Variants in MICU3 observed in about 807,000 individuals in gnomAD.
MICU3 encodes mitochondrial calcium uptake 3.
A neutral mutation model predicts 66.5 loss-of-function variants in MICU3; 62 were observed. That is an observed-to-expected ratio of 0.93 (90% CI 0.76 to 1.15). The LOEUF is 1.15. Among genes scored for constraint, MICU3 ranks in the 50% most tolerant of loss-of-function variants. The pLI, the probability that MICU3 is intolerant of heterozygous loss-of-function variation, is 0.00. For missense variants in MICU3, 779 were observed against 664.4 expected (o/e 1.17, Z -1.90); for synonymous variants, 308 against 240.7 (o/e 1.28, Z -2.59).
At position 17,032,749 on chromosome 8, in the gene MICU3, A is replaced by C. The variant is rs2150484992; in HGVS notation, c.381+5089A>C. 2.6e-5 allele frequency among the ~76,000 whole-genome samples: 4 copies of C among 152,240 alleles called. No individual in the cohort carries two copies. The South Asian group carries it at 8.3e-4, about 32-fold the overall frequency. Reference sequence around the variant, plus strand: ...TTTTCTTGTGCTTCACAGATACTGCATTTTTTACAAGTTCAAGATTTGTGG... The same window carrying C: ...TTTTCTTGTGCTTCACAGATACTGCCTTTTTTACAAGTTCAAGATTTGTGG... On this transcript the variant is annotated intron_variant, in intron 1 of 14. Transcript: ENST00000318063.
At chr8:17,117,961 C>T (rs950650518) in intron 13 of MICU3, among the ~76,000 whole-genome samples, 2 of 152,192 alleles carry the variant, frequency 1.3e-5, no homozygotes, top group East Asian at 3.8e-4. Context: ...CCTCAAGATT[C>T]ATCTGAGACA....
At chr8:17,076,960 T>G (rs1820475268) in intron 3 of MICU3, among the ~76,000 whole-genome samples, 1 of 152,338 alleles carries the variant, frequency 6.6e-6, no homozygotes, top group African/African-American at 2.4e-5. Flanking sequence ...TCAAGTTATC[T>G]CACCGTCTTT....
intron 1 of MICU3, among the ~76,000 whole-genome samples, chr8:17,039,509 T>C (rs928341719): frequency 7.2e-5 from 11 of 152,224 alleles, no homozygotes; most frequent in Admixed American, 5.9e-4. Context: ...GACCATCTAA[T>C]AGAGTCACAT....
intron 3 of MICU3, among the ~76,000 whole-genome samples, chr8:17,077,087 A>T (rs900414852): frequency 3.3e-5 from 5 of 152,216 alleles, no homozygotes; most frequent in African/African-American, 1.2e-4. Context: ...AAATGTCTAA[A>T]TTCTCCAGTA....
intron 2 of MICU3, among the ~76,000 whole-genome samples, chr8:17,064,864 A>G (rs1388634448): frequency 2.0e-5 from 3 of 152,094 alleles, no homozygotes; most frequent in Non-Finnish European, 2.9e-5. Flanking sequence ...GCCTTTTTAG[A>G]TTATTATAGG....
intron 1 of MICU3, among the ~76,000 whole-genome samples, chr8:17,060,890 C>T (rs780043094): frequency 2.0e-5 from 3 of 151,762 alleles, no homozygotes; most frequent in East Asian, 1.9e-4. Flanking sequence ...AATGTGGGCC[C>T]GCACCTAATA....
chr8:17,032,320 G>A (rs909778777), intron 1 of MICU3, among the ~76,000 whole-genome samples: 1 of 151,884 alleles, frequency 6.6e-6, no homozygotes, highest in African/African-American at 2.4e-5. Context: ...CAAAGTTTTA[G>A]CCTTAAAGCA....
At chr8:17,030,095 A>G (rs151272880) in intron 1 of MICU3, among the ~76,000 whole-genome samples, 225 of 152,036 alleles carry the variant, frequency 1.5e-3, no homozygotes, top group African/African-American at 5.1e-3. Flanking sequence ...ATAGCATTCT[A>G]TTTTGCTTTC....
intron 3 of MICU3, among the ~76,000 whole-genome samples, chr8:17,072,016 A>G (rs1002905962): frequency 5.9e-5 from 9 of 152,276 alleles, no homozygotes; most frequent in African/African-American, 2.2e-4. Context: ...ATCCCAACCA[A>G]ATTGATCCGA....
chr8:17,034,074 G>A (rs750468525), intron 1 of MICU3, among the ~76,000 whole-genome samples: 1 of 152,116 alleles, frequency 6.6e-6, no homozygotes. Context: ...TTTTGTTAGG[G>A]GCTAATGCAG....
intron 11 of MICU3, among the ~76,000 whole-genome samples, chr8:17,105,885 A>G (rs545152484): frequency 5.3e-5 from 8 of 152,150 alleles, no homozygotes; most frequent in Non-Finnish European, 1.0e-4. Context: ...TGCTTTGACT[A>G]CTACCTAAAT....
intron 1 of MICU3, among the ~76,000 whole-genome samples, chr8:17,047,658 C>T (rs2150554840): frequency 6.6e-6 from 1 of 152,296 alleles, no homozygotes; most frequent in South Asian, 2.1e-4. Flanking sequence ...AGCCAGAGGA[C>T]AGTGGGCTAT....
chr8:17,135,224 C>T, the MICU3 span, among the ~76,000 whole-genome samples: 1 of 152,046 alleles, frequency 6.6e-6, no homozygotes, highest in South Asian at 2.1e-4. Context: ...GATGGTGAAA[C>T]CCCATCCCTA....
chr8:17,089,761 A>C (rs1799849464), intron 7 of MICU3, among the ~76,000 whole-genome samples: 1 of 152,040 alleles, frequency 6.6e-6, no homozygotes, highest in Non-Finnish European at 1.5e-5. Context: ...ATGGAGGTTA[A>C]AGCACATAGC....
intron 8 of MICU3, among the ~76,000 whole-genome samples, chr8:17,095,288 A>C (rs576041493): frequency 3.3e-5 from 5 of 152,052 alleles, no homozygotes; most frequent in African/African-American, 1.2e-4. Context: ...GTCTCTGTTC[A>C]GATTCTTTAA....
At chr8:17,101,206 C>A (rs1048145650) in intron 9 of MICU3, among the ~76,000 whole-genome samples, 1 of 151,582 alleles carries the variant, frequency 6.6e-6, no homozygotes, top group Non-Finnish European at 1.5e-5. Context: ...GAATAAATGG[C>A]CCATGGGGTT....
chr8:17,027,401 G>T lies in MICU3; in HGVS notation c.122G>T (p.Arg41Leu). 2 of 1,430,102 alleles carry T rather than the reference G, an allele frequency of 1.4e-6. No homozygotes were observed. The highest frequency in any genetic ancestry group is 2.8e-5 in the East Asian group (1 of 36,360). The allele number at this position is 1,430,102 out of a possible 1,614,324, so 88.6% of individuals were successfully genotyped here. Residue 41 changes from arginine (R) to leucine (L), a missense_variant, in exon 1 of 15, where the codon CGG becomes CTG. Transcript: ENST00000318063. ...PAVTTLGLPG[R>L]PFSSREDEER... Reference sequence around the variant, plus strand: ...GTGACCACCCTGGGCCTTCCTGGCCGGCCCTTCTCCTCCCGAGAGGATGAG... The same window carrying T: ...GTGACCACCCTGGGCCTTCCTGGCCTGCCCTTCTCCTCCCGAGAGGATGAG...
chr8:17,118,666 T>C, intron 13 of MICU3, 41 bp from the exon 14 acceptor site: 1 of 1,305,816 alleles, frequency 7.7e-7, no homozygotes. Context: ...GCTGTATTTG[T>C]CTTTCTGTAC....
chr8:17,058,373 A>T (rs1173505779), intron 1 of MICU3, among the ~76,000 whole-genome samples: 1 of 152,194 alleles, frequency 6.6e-6, no homozygotes, highest in Non-Finnish European at 1.5e-5. Context: ...CTAATCACAG[A>T]ACCACAGATT....
Sources: gnomAD v4.1 joint callset for allele counts (sites outside exome capture counted in the v4.1 genomes callset) on GRCh38, gnomAD v4.1.1 for gene constraint, MANE v1.5 for transcripts, NCBI Gene and HGNC (gene_info 2026-07-23, HGNC 2026-07-21) for gene names.